The following DLGAP2 variants were observed in gnomAD, a reference collection of about 807,000 sequenced individuals.
DLGAP2 encodes disks large-associated protein 2.
In DLGAP2, 26 loss-of-function variants were observed where a neutral mutation model predicts 100.3. The observed-to-expected ratio is 0.26, with a 90% CI of 0.19 to 0.36. The LOEUF (loss-of-function observed/expected upper bound fraction) is 0.36, where lower values mean the gene tolerates loss of function less well. Among genes scored for constraint, DLGAP2 ranks in the 10% least tolerant of loss-of-function variants. The pLI, the probability that DLGAP2 is intolerant of heterozygous loss-of-function variation, is 1.00. For synonymous variants in DLGAP2, 886 were observed against 630.1 expected, an observed-to-expected ratio of 1.41 and a Z score of -6.08; for missense variants, 1,858 against 1,453.2, an observed-to-expected ratio of 1.28 and a Z score of -4.53.
In DLGAP2 at chr8:1,697,304, G is replaced by A; in HGVS notation, c.2949+5G>A. On this transcript the variant is annotated splice_donor_5th_base_variant and intron_variant, in intron 14 of 14. Transcript: ENST00000637795. ...ATGGAGTCCCCGGAAAGAAAGGTAA[G>A]GGCATCCATGCAGGGCCGGCTCCCA... The A allele has an allele frequency of 1.3e-6, 2 of 1,597,754 alleles. No homozygotes were observed. Among genetic ancestry groups the A allele is most frequent in the South Asian group, 1.1e-5 (1 of 89,264 alleles).
At chr8:1,060,159 G>T (rs943332275) in intron 2 of DLGAP2, among the ~76,000 whole-genome samples, 28 of 152,314 alleles carry the variant, frequency 1.8e-4, no homozygotes, top group Admixed American at 1.7e-3. Flanking sequence ...GGCGTGCGTG[G>T]CTGCATCCGT....
intron 3 of DLGAP2, among the ~76,000 whole-genome samples, chr8:1,293,273 G>C (rs1051479368): frequency 6.6e-6 from 1 of 152,202 alleles, no homozygotes; most frequent in Admixed American, 6.5e-5. Context: ...AGTGCAGGGG[G>C]ACTCAGGAGT....
At chr8:903,033 G>A (rs1798295004) in intron 1 of DLGAP2, among the ~76,000 whole-genome samples, 1 of 142,294 alleles carries the variant, frequency 7.0e-6, no homozygotes, top group East Asian at 2.1e-4. Context: ...GGTGGAAAGA[G>A]TGCGGGTGGA....
chr8:883,312 ACTGTATGGCGGATAGAAGGATTCATTGC>A (rs1361453670), intron 1 of DLGAP2: 2 of 152,182 alleles, frequency 1.3e-5, no homozygotes, highest in African/African-American at 4.8e-5. Context: ...CACCTGAGGC[ACTGTATGGCGGATAGAAGGATTCATTGC>A]CCTGGGAGGT....
chr8:1,678,732 C>A, intron 12 of DLGAP2, 103 bp downstream of exon 12: 1 of 1,248,648 alleles, frequency 8.0e-7, no homozygotes, highest in Non-Finnish European at 1.0e-6. Context: ...CTTTGGTATT[C>A]AAGTGAAGGG....
chr8:759,053 C>G (rs1265305639), intron 1 of DLGAP2, among the ~76,000 whole-genome samples: 38 of 147,238 alleles, frequency 2.6e-4, no homozygotes, highest in African/African-American at 8.3e-4. Context: ...CAATACCCCC[C>G]ACAACCTTCC....
intron 2 of DLGAP2, among the ~76,000 whole-genome samples, chr8:1,192,659 G>C (rs1178781053): frequency 7.6e-6 from 1 of 132,186 alleles, no homozygotes; most frequent in Non-Finnish European, 1.6e-5. Flanking sequence ...TATGTATCTG[G>C]TTTCTTTTTT....
chr8:1,300,211 C>T (rs555634015), intron 3 of DLGAP2: 1 of 152,290 alleles, frequency 6.6e-6, no homozygotes, highest in East Asian at 1.9e-4. Context: ...ACGTGTGTGT[C>T]TGTGTGCAAA....
At chr8:1,353,909 G>GA (rs1424091658) in intron 3 of DLGAP2, among the ~76,000 whole-genome samples, 3 of 152,114 alleles carry the variant, frequency 2.0e-5, no homozygotes, top group Non-Finnish European at 4.4e-5. Context: ...CAGCGAAGGG[G>GA]AAAAAAGCAG....
chr8:767,355 T>G (rs1419376574), intron 1 of DLGAP2, among the ~76,000 whole-genome samples: 2 of 149,832 alleles, frequency 1.3e-5, no homozygotes. Flanking sequence ...ACTGTTTTTT[T>G]TTTTTTTTTT....
intron 3 of DLGAP2, among the ~76,000 whole-genome samples, chr8:1,418,966 A>G (rs889864396): frequency 1.3e-5 from 2 of 152,226 alleles, no homozygotes; most frequent in African/African-American, 4.8e-5. Context: ...GTTTACCCAC[A>G]CTATGTAAAT....
intron 2 of DLGAP2, among the ~76,000 whole-genome samples, chr8:1,048,308 A>G (rs1217709592): frequency 1.3e-5 from 2 of 152,264 alleles, no homozygotes. Flanking sequence ...GCTCACAGAC[A>G]TGCAGGAAGT....
intron 8 of DLGAP2, among the ~76,000 whole-genome samples, chr8:1,635,349 A>T (rs1286943041): frequency 6.6e-6 from 1 of 152,226 alleles, no homozygotes; most frequent in African/African-American, 2.4e-5. Flanking sequence ...CTGAACTTCA[A>T]ATTTCATCCA....
chr8:833,005 T>A (rs1433937381), intron 1 of DLGAP2, among the ~76,000 whole-genome samples: 1 of 152,210 alleles, frequency 6.6e-6, no homozygotes, highest in Admixed American at 6.5e-5. Context: ...TTCAAATTCA[T>A]GTAGATGAAG....
chr8:764,089 A>G (rs1821151517), intron 1 of DLGAP2, among the ~76,000 whole-genome samples: 1 of 152,194 alleles, frequency 6.6e-6, no homozygotes. Flanking sequence ...TGTGGTTTAA[A>G]TAGACTGGCG....
At chr8:1,496,430 A>G (rs2130303639) in intron 3 of DLGAP2, among the ~76,000 whole-genome samples, 1 of 152,114 alleles carries the variant, frequency 6.6e-6, no homozygotes, top group South Asian at 2.1e-4. Flanking sequence ...TTGATGATGC[A>G]GCCACCTGGG....
chr8:1,376,369 G>T (rs565468943), intron 3 of DLGAP2, among the ~76,000 whole-genome samples: 1 of 152,226 alleles, frequency 6.6e-6, no homozygotes, highest in Non-Finnish European at 1.5e-5. Context: ...CATCGGCCAC[G>T]GGGGCCTGCA....
At chr8:777,226 T>C (rs1300026871) in intron 1 of DLGAP2, among the ~76,000 whole-genome samples, 77 of 151,576 alleles carry the variant, frequency 5.1e-4, no homozygotes, top group African/African-American at 1.8e-3. Flanking sequence ...CATCCTTTTA[T>C]TTTGAGCCTA....
chr8:808,626 G>C (rs999165420), intron 1 of DLGAP2, among the ~76,000 whole-genome samples: 1 of 152,164 alleles, frequency 6.6e-6, no homozygotes. Flanking sequence ...GTGTGAGGAG[G>C]GCGGCCGCTG....
Sources: gnomAD v4.1 joint callset for allele counts (sites outside exome capture counted in the v4.1 genomes callset) on GRCh38, gnomAD v4.1.1 for gene constraint, MANE v1.5 for transcripts, NCBI Gene and HGNC (gene_info 2026-07-23, HGNC 2026-07-21) for gene names.